Variants in RELCH observed in about 807,000 individuals in gnomAD.
The protein encoded by RELCH is RAB11-binding protein RELCH.
A neutral mutation model predicts 150.3 loss-of-function variants in RELCH; 41 were observed. That is an observed-to-expected ratio of 0.27 (90% confidence interval 0.21 to 0.35). The LOEUF is 0.35. Among genes scored for constraint, RELCH ranks in the 10% least tolerant of loss-of-function variants. The pLI, the probability that RELCH is intolerant of heterozygous loss-of-function variation, is 1.00. For missense variants in RELCH, 1,092 were observed against 1,467.8 expected, an observed-to-expected ratio of 0.74 and a Z score of 4.18; for synonymous variants, 478 against 531.8, an observed-to-expected ratio of 0.90 and a Z score of 1.39.
intron 1 of RELCH, among the ~76,000 whole-genome samples, chr18:62,204,669 C>G (rs1452724248): frequency 6.6e-6 from 1 of 152,118 alleles, no homozygotes; most frequent in African/African-American, 2.4e-5. Flanking sequence ...CCAAGGCAGA[C>G]GTACTGATAA....
At position 62,228,682 on chromosome 18, in the gene RELCH, A is replaced by G. The variant is rs916704124; in HGVS notation, c.1448+84A>G. 1.9e-5 allele frequency: 20 copies of G among 1,060,848 alleles called. No homozygotes were observed. The Admixed American group carries it at 2.7e-4, about 14-fold the overall frequency. 65.7% of individuals were successfully genotyped at this position (1,060,848 alleles called of 1,614,324 possible). On this transcript the variant is annotated intron_variant, in intron 8 of 28. Coordinates refer to ENST00000644646, the MANE Select transcript of RELCH (RefSeq NM_001346231.2). ...GGGAAGAGCTACTGTTTTTATTTAA[A>G]CCGCTTTTTTGCAGATCAAATATAT...
intron 10 of RELCH, among the ~76,000 whole-genome samples, chr18:62,241,981 T>C (rs117084411): frequency 6.6e-6 from 1 of 152,306 alleles, no homozygotes; most frequent in East Asian, 1.9e-4. Context: ...GCAGTCTCAA[T>C]CTAGCAATTA....
chr18:62,191,837 A>G (rs753120549), intron 1 of RELCH, among the ~76,000 whole-genome samples: 2 of 152,158 alleles, frequency 1.3e-5, no homozygotes, highest in Non-Finnish European at 2.9e-5. Context: ...CCTATTGTGA[A>G]TAGTGCTGCA....
At chr18:62,218,454 T>C (rs2040621581) in intron 2 of RELCH, among the ~76,000 whole-genome samples, 1 of 151,928 alleles carries the variant, frequency 6.6e-6, no homozygotes, top group South Asian at 2.1e-4. Flanking sequence ...AACAAAGTAT[T>C]GATATTTTAT....
At chr18:62,228,277 T>C in intron 7 of RELCH, 28 bp from the exon 8 acceptor site, 1 of 1,567,968 alleles carries the variant, frequency 6.4e-7, no homozygotes, top group Non-Finnish European at 8.7e-7. Context: ...TGTCCTCTGG[T>C]GATTTCTCTT....
At chr18:62,222,506 C>G (rs1374764004) in intron 5 of RELCH, among the ~76,000 whole-genome samples, 1 of 151,468 alleles carries the variant, frequency 6.6e-6, no homozygotes, top group Non-Finnish European at 1.5e-5. Flanking sequence ...AAAAGAGGAG[C>G]AAAAAATAGA....
intron 15 of RELCH, among the ~76,000 whole-genome samples, chr18:62,259,354 TAA>T (rs71811362): frequency 6.7e-6 from 1 of 148,300 alleles, no homozygotes; most frequent in Non-Finnish European, 1.5e-5. Context: ...GTGAATAAGC[TAA>T]AAAAAAAATC....
At chr18:62,259,569 A>G (rs1229934664) in intron 15 of RELCH, among the ~76,000 whole-genome samples, 2 of 151,934 alleles carry the variant, frequency 1.3e-5, no homozygotes, top group Non-Finnish European at 2.9e-5. Flanking sequence ...ACCCAAAGTG[A>G]TCTACAGATT....
rs2045647446 is a variant in RELCH, at chr18:62,301,178, G to C, written c.3530+2318G>C. ...ATCAGCACTGTGCAAAATGACAAAA[G>C]TTACAGAGGAGCGTGTTTGGGAACT... is the stretch of plus-strand genomic sequence containing the variant. On this transcript the variant is annotated intron_variant, in intron 28 of 28. Coordinates refer to ENST00000644646, the MANE Select transcript of RELCH (RefSeq NM_001346231.2). Among the ~76,000 whole-genome samples the C allele has an allele frequency of 2.6e-5, 4 of 152,304 alleles. No homozygotes were observed. The South Asian group carries it at 8.3e-4, about 32-fold the overall frequency.
chr18:62,290,531 TA>T lies in RELCH; in HGVS notation c.3371-1003del, dbSNP rs112987819. On this transcript the variant is annotated intron_variant, in intron 26 of 28. Transcript: ENST00000644646. ...GCGTGAGAAGAGCAAAAAATTCTGT[TA>T]AAAAAAAATATCTTTATAAGGGAAC... 8.1e-3 allele frequency among the ~76,000 whole-genome samples: 1,227 copies of T among 151,562 alleles called. 19 individuals carry two copies. Among genetic ancestry groups the T allele is most frequent in the African/African-American group, 0.028 (1,173 of 41,366 alleles).
At chr18:62,211,885 C>T (rs1022049190) in intron 2 of RELCH, among the ~76,000 whole-genome samples, 1 of 152,170 alleles carries the variant, frequency 6.6e-6, no homozygotes, top group Non-Finnish European at 1.5e-5. Context: ...CACAGCATGT[C>T]TTCAGAAATT....
chr18:62,304,570 G>A (rs926195147), intron 28 of RELCH, among the ~76,000 whole-genome samples: 1 of 152,182 alleles, frequency 6.6e-6, no homozygotes, highest in African/African-American at 2.4e-5. Context: ...GAAATTGCAA[G>A]CTGTGTTTTA....
chr18:62,224,947 C>G (rs1284532904), intron 5 of RELCH, among the ~76,000 whole-genome samples: 2 of 151,992 alleles, frequency 1.3e-5, no homozygotes, highest in African/African-American at 4.8e-5. Flanking sequence ...AGGACCTAAA[C>G]TACCTGGCTT....
chr18:62,271,168 C>G (rs1400947525), intron 20 of RELCH, among the ~76,000 whole-genome samples: 1 of 152,226 alleles, frequency 6.6e-6, no homozygotes, highest in South Asian at 2.1e-4. Flanking sequence ...AATTGCCACA[C>G]TGTCTTCCAC....
In RELCH at chr18:62,294,593, T is replaced by C. The variant is rs556349179; in HGVS notation, c.3459+2962T>C. 7.2e-5 allele frequency among the ~76,000 whole-genome samples: 11 copies of C among 152,342 alleles called. No individual in the cohort carries two copies. The South Asian group carries it at 2.3e-3, about 32-fold the overall frequency. ...CTGGAATATACCAATACTTAGTCAA[T>C]TTTATGTTTTATGAATATCTGTTTC... is the stretch of plus-strand genomic sequence containing the variant. On this transcript the variant is annotated intron_variant, in intron 27 of 28. Coordinates refer to ENST00000644646, the MANE Select transcript of RELCH (RefSeq NM_001346231.2).
chr18:62,253,198 G>A (rs2042814808), intron 12 of RELCH, among the ~76,000 whole-genome samples: 1 of 151,210 alleles, frequency 6.6e-6, no homozygotes, highest in Non-Finnish European at 1.5e-5. Flanking sequence ...GAAAGAATCT[G>A]AATGAACTAA....
chr18:62,211,027 T>C lies in RELCH; in HGVS notation c.527-126T>C, dbSNP rs557769803. On this transcript the variant is annotated intron_variant, in intron 1 of 28. Transcript: ENST00000644646. ...TTTTTACTTTGTTCTGTTGTTGTTG[T>C]TTTAAAAGAATTCCTGGATCTTAGA... is the stretch of plus-strand genomic sequence containing the variant. 11 of 554,388 alleles carry C rather than the reference T, an allele frequency of 2.0e-5. No individual in the cohort carries two copies. In the African/African-American group the frequency reaches 2.1e-4, roughly 11 times the overall value. The allele number at this position is 554,388 out of a possible 1,614,324, so 34.3% of individuals were successfully genotyped here. A position where few individuals can be genotyped will look rare whatever the true frequency, so the allele number is the denominator to read the frequency against.
rs1599949931 is a variant in RELCH, at chr18:62,232,367, G to A, written c.1560G>A (p.Met520Ile). Residue 520 changes from methionine to isoleucine, a missense_variant, in exon 10 of 29, where the codon ATG (methionine) becomes ATA (isoleucine). This residue lies in a region of RELCH where 707 missense variants were observed against 1,025.4 expected (regional missense o/e 0.69). Transcript: ENST00000644646. ...TTGCAGACAGTGAAAAAAGCGTTATGTTAATGCTGGGACGCTGCCTGCCAC... is the reference window on the plus strand; with the variant it reads ...TTGCAGACAGTGAAAAAAGCGTTATATTAATGCTGGGACGCTGCCTGCCAC... ...SRIADSEKSV[M>I]LMLGRCLPHI... is the part of the protein sequence containing the mutation. 2.5e-6 allele frequency: 4 copies of A among 1,611,880 alleles called. No homozygotes were observed. Among genetic ancestry groups the A allele is most frequent in the Non-Finnish European group, 3.4e-6 (4 of 1,178,634 alleles).
At chr18:62,280,047 A>G (rs568364648) in intron 23 of RELCH, among the ~76,000 whole-genome samples, 191 bp downstream of exon 23, 14 of 152,300 alleles carry the variant, frequency 9.2e-5, no homozygotes, top group Admixed American at 3.3e-4. Context: ...CCCTCACCAT[A>G]AGTGTAATTT....
Sources: allele counts gnomAD v4.1 joint callset (sites outside exome capture counted in the v4.1 genomes callset), GRCh38; gene constraint gnomAD v4.1.1; regional missense constraint gnomAD v4.1.1; transcripts MANE v1.5; gene names NCBI Gene and HGNC (gene_info 2026-07-23, HGNC 2026-07-21).